The following GSAP variants were observed in gnomAD, a reference collection of about 807,000 sequenced individuals.
GSAP encodes gamma-secretase activating protein.
In GSAP, 118 loss-of-function variants were observed where a neutral mutation model predicts 131.7. That is an observed-to-expected ratio of 0.90 (90% CI 0.77 to 1.04). The LOEUF (loss-of-function observed/expected upper bound fraction) is 1.04, where lower values mean the gene tolerates loss of function less well. Ranked by LOEUF, GSAP falls within the 50% of genes least tolerant of loss-of-function variation. GSAP has a pLI of 0.00. For missense variants in GSAP, 1,019 were observed against 1,013.2 expected (o/e 1.01, Z -0.08); for synonymous variants, 381 against 363.4 (o/e 1.05, Z -0.55).
intron 19 of GSAP, among the ~76,000 whole-genome samples, chr7:77,337,058 T>C (rs936328310): frequency 2.0e-5 from 3 of 152,234 alleles, no homozygotes; most frequent in Non-Finnish European, 2.9e-5. Context: ...ACTAAAAAAC[T>C]TTTTATTTAA....
At chr7:77,347,306 G>C (rs558455446) in intron 19 of GSAP, among the ~76,000 whole-genome samples, 2 of 152,140 alleles carry the variant, frequency 1.3e-5, no homozygotes, top group Admixed American at 1.3e-4. Context: ...TTGGTCAGAA[G>C]TTCCAGAGGT....
At chr7:77,330,076 T>G (rs1057368025) in intron 20 of GSAP, 163 bp downstream of exon 20, 1 of 766,382 alleles carries the variant, frequency 1.3e-6, no homozygotes, top group African/African-American at 1.8e-5. Flanking sequence ...ACAGAGATCA[T>G]AGAAGCATCT....
chr7:77,377,237 TA>T (rs533755073), intron 9 of GSAP, 48 bp downstream of exon 9: 73,129 of 879,232 alleles, frequency 0.083, 3 homozygotes, highest in East Asian at 0.14. Flanking sequence ...AATATTTTTG[TA>T]AAAAAAAAAA....
At chr7:77,343,616 A>G (rs1338769079) in intron 19 of GSAP, among the ~76,000 whole-genome samples, 2 of 152,188 alleles carry the variant, frequency 1.3e-5, no homozygotes, top group African/African-American at 4.8e-5. Context: ...TAAGGTAGCT[A>G]AAGAAGCAGC....
Position 77,316,955 on chromosome 7 carries a change from T to C in GSAP, c.2090-2466A>G, listed in dbSNP as rs367562300. ...TTGTGTTCCCCATTCTCTTCTTAAC[T>C]TTAACCAATTCATGTTACAAGTCTC... On this transcript the variant is annotated intron_variant, in intron 26 of 30. Transcript: ENST00000257626. Among the ~76,000 whole-genome samples, 30 of 152,258 alleles carry C rather than the reference T, an allele frequency of 2.0e-4. 1 individual carries two copies. The South Asian group carries it at 5.6e-3, about 28-fold the overall frequency.
At chr7:77,377,180 G>A in intron 9 of GSAP, 106 bp downstream of exon 9, 3 of 1,167,582 alleles carry the variant, frequency 2.6e-6, no homozygotes, top group East Asian at 2.9e-5. Flanking sequence ...TCACACCACT[G>A]CACTCCAGCC....
At chr7:77,384,930 C>T (rs1798336363) in intron 6 of GSAP, among the ~76,000 whole-genome samples, 1 of 151,932 alleles carries the variant, frequency 6.6e-6, no homozygotes, top group South Asian at 2.1e-4. Context: ...GAAGGCAGGG[C>T]TAGGGACTAA....
intron 19 of GSAP, among the ~76,000 whole-genome samples, chr7:77,334,101 C>T (rs1242184617): frequency 6.6e-6 from 1 of 152,114 alleles, no homozygotes; most frequent in Non-Finnish European, 1.5e-5. Flanking sequence ...ACAAATCCTT[C>T]TATTATAAAG....
intron 3 of GSAP, among the ~76,000 whole-genome samples, chr7:77,397,727 T>C (rs1800657903): frequency 1.3e-5 from 2 of 152,196 alleles, no homozygotes; most frequent in African/African-American, 2.4e-5. Flanking sequence ...CTGCGTGACC[T>C]TGGATAAATT....
chr7:77,312,766 AGACAGCCGTTCGT>A (rs1794542189), intron 28 of GSAP, among the ~76,000 whole-genome samples: 1 of 152,266 alleles, frequency 6.6e-6, no homozygotes, highest in African/African-American at 2.4e-5. Context: ...GAAAGGTAAC[AGACAGCCGTTCGT>A]GAGAGGACAG....
chr7:77,369,205 C>T (rs1015020860), intron 12 of GSAP, among the ~76,000 whole-genome samples: 2 of 152,318 alleles, frequency 1.3e-5, no homozygotes, highest in South Asian at 4.1e-4. Flanking sequence ...GAATTACAGC[C>T]ACTGACTTAG....
intron 5 of GSAP, among the ~76,000 whole-genome samples, chr7:77,393,816 G>C (rs1038032255): frequency 1.8e-4 from 28 of 152,016 alleles, no homozygotes; most frequent in African/African-American, 6.5e-4. Flanking sequence ...TGGGATTACA[G>C]GCGTGTGCCA....
chr7:77,380,980 T>G (rs1040563610), intron 8 of GSAP, among the ~76,000 whole-genome samples: 8 of 152,160 alleles, frequency 5.3e-5, no homozygotes, highest in Non-Finnish European at 1.2e-4. Context: ...TGATTCTACT[T>G]TGGTAAAAAC....
At chr7:77,342,811 C>A (rs1254717058) in intron 19 of GSAP, among the ~76,000 whole-genome samples, 1 of 152,174 alleles carries the variant, frequency 6.6e-6, no homozygotes, top group Non-Finnish European at 1.5e-5. Flanking sequence ...ACCAGACAAG[C>A]CTTACAGGTT....
At chr7:77,414,808 G>C (rs914459981) in intron 1 of GSAP, among the ~76,000 whole-genome samples, 50 of 130,422 alleles carry the variant, frequency 3.8e-4, no homozygotes, top group Admixed American at 7.1e-4. Flanking sequence ...ATTTCAAAAA[G>C]TTAAGCCTTC....
chr7:77,312,620 C>G (rs183395490), intron 28 of GSAP, among the ~76,000 whole-genome samples: 1 of 152,230 alleles, frequency 6.6e-6, no homozygotes, highest in Admixed American at 6.5e-5. Context: ...ATTTGGAGAC[C>G]AAATTAAATA....
chr7:77,383,011 C>A (rs1798017884), intron 6 of GSAP, among the ~76,000 whole-genome samples: 1 of 152,090 alleles, frequency 6.6e-6, no homozygotes, highest in Non-Finnish European at 1.5e-5. Context: ...CATGGCAAGA[C>A]CGCATCTCTA....
chr7:77,380,709 A>T (rs902687158), intron 8 of GSAP, among the ~76,000 whole-genome samples: 1 of 147,794 alleles, frequency 6.8e-6, no homozygotes, highest in Non-Finnish European at 1.5e-5. Flanking sequence ...AAAAGAGATT[A>T]AAAAAAAAAG....
rs1350868050 is a variant in GSAP, at chr7:77,329,331, A to G, written c.1733+2T>C. 6.5e-7 allele frequency: 1 copy of G among 1,538,294 alleles called. No homozygotes were observed. The highest frequency in any genetic ancestry group is 1.2e-5 in the South Asian group (1 of 81,068). On this transcript the variant is annotated splice_donor_variant, in intron 21 of 30. Coordinates refer to ENST00000257626, the MANE Select transcript of GSAP (RefSeq NM_017439.4). LOFTEE classifies it high-confidence loss of function. ...GATATGATAACCTCTGCTTTCACTT[A>G]CTTTACTGCATTATCAAGAATATTC...
Sources: gnomAD v4.1 joint callset for allele counts (sites outside exome capture counted in the v4.1 genomes callset) on GRCh38, gnomAD v4.1.1 for gene constraint, MANE v1.5 for transcripts, NCBI Gene and HGNC (gene_info 2026-07-23, HGNC 2026-07-21) for gene names.